PPEF1: variants seen among roughly 807,000 people sequenced by gnomAD.
PPEF1 encodes the protein serine/threonine-protein phosphatase with EF-hands 1.
A neutral mutation model predicts 53.3 loss-of-function variants in PPEF1; 12 were observed. The observed-to-expected ratio is 0.23, with a 90% CI of 0.14 to 0.36. The LOEUF is 0.36. PPEF1 is among the 10% of genes least tolerant of loss of function. PPEF1 has a pLI of 1.00. For missense variants in PPEF1, 334 were observed against 490.4 expected (o/e 0.68, Z 3.01); for synonymous variants, 165 against 176.7 (o/e 0.93, Z 0.52).
upstream of PPEF1, among the ~76,000 whole-genome samples, chrX:18,706,277 A>G (rs1019906062): frequency 9.2e-6 from 1 of 108,547 alleles, no homozygotes; most frequent in Non-Finnish European, 1.9e-5. Flanking sequence ...TTGGAGCATC[A>G]CAAAATAAAG....
chrX:18,821,888 G>T (rs67720708), intron 13 of PPEF1, among the ~76,000 whole-genome samples: 1 of 110,645 alleles, frequency 9.0e-6, no homozygotes, highest in Non-Finnish European at 1.9e-5. Flanking sequence ...ACTTGGAAGG[G>T]ACCCCCTACT....
rs1261106361 is a variant in PPEF1, at chrX:18,793,698, A to AC, written c.1065+4431dup. Among the ~76,000 whole-genome samples, 4 of 26,944 alleles carry AC rather than the reference A, an allele frequency of 1.5e-4. No homozygotes were observed. In the East Asian group the frequency reaches 6.5e-3, roughly 44 times the overall value. The allele number at this position is 26,944 out of a possible 115,157, so 23.4% of individuals were successfully genotyped here. A position where few individuals can be genotyped will look rare whatever the true frequency, so the allele number is the denominator to read the frequency against. Reference sequence around the variant, plus strand: ...CCTGCTTCCCCCCTCCGCTCCCCCCACCCCCCGCCCGTGTATGAGTCATAC... The same window carrying AC: ...CCTGCTTCCCCCCTCCGCTCCCCCCACCCCCCCGCCCGTGTATGAGTCATAC... On this transcript the variant is annotated intron_variant, in intron 10 of 15. Transcript: ENST00000470157.
chrX:18,789,606 C>A (rs2046289102), intron 10 of PPEF1, among the ~76,000 whole-genome samples: 1 of 112,039 alleles, frequency 8.9e-6, no homozygotes, highest in Non-Finnish European at 1.9e-5. Flanking sequence ...CCACCCTGTG[C>A]CACCTAACAG....
intron 6 of PPEF1, among the ~76,000 whole-genome samples, chrX:18,764,691 G>A (rs140809847): frequency 2.2e-4 from 25 of 111,633 alleles, no homozygotes; most frequent in African/African-American, 7.5e-4. Context: ...ATTACAATGT[G>A]AGGAAGGAGG....
At chrX:18,782,450 T>C (rs1206534009) in intron 8 of PPEF1, 48 bp downstream of exon 8, 1 of 1,017,091 alleles carries the variant, frequency 9.8e-7, no homozygotes, top group Admixed American at 3.0e-5. Context: ...TTGCTGTTTC[T>C]ATAGAGAAAT....
At chrX:18,711,078 ATGTG>A (rs201594258) in intron 1 of PPEF1, among the ~76,000 whole-genome samples, 7 of 100,634 alleles carry the variant, frequency 7.0e-5, no homozygotes, top group African/African-American at 2.6e-4. Context: ...ATGTATATAT[ATGTG>A]TGTGTGTGTG....
At chrX:18,795,242 G>A (rs1441747685) in intron 10 of PPEF1, among the ~76,000 whole-genome samples, 6 of 111,974 alleles carry the variant, frequency 5.4e-5, no homozygotes, top group East Asian at 2.8e-4. Flanking sequence ...CCTGGGAGGC[G>A]GAGGCTGCAG....
chrX:18,680,089 CA>C (rs756924550), upstream of PPEF1, among the ~76,000 whole-genome samples: 3,468 of 52,914 alleles, frequency 0.066, 64 homozygotes, highest in Non-Finnish European at 0.084. Flanking sequence ...ACCCTGTCCT[CA>C]AAAAAAAAAA....
chrX:18,690,472 G>C (rs892971385), intron 3 of PPEF1, among the ~76,000 whole-genome samples: 2 of 107,934 alleles, frequency 1.9e-5, no homozygotes, highest in African/African-American at 6.8e-5. Context: ...CACCTCCCGA[G>C]TTCAAGTGAT....
At chrX:18,710,458 A>C (rs908719595) in intron 1 of PPEF1, among the ~76,000 whole-genome samples, 1 of 111,667 alleles carries the variant, frequency 9.0e-6, no homozygotes, top group Non-Finnish European at 1.9e-5. Flanking sequence ...TTACTTTAAG[A>C]GTTTTGTAAC....
At chrX:18,810,076 CTGTGTGTGTGTG>C (rs199559695) in intron 12 of PPEF1, among the ~76,000 whole-genome samples, 18 of 99,487 alleles carry the variant, frequency 1.8e-4, no homozygotes, top group South Asian at 4.9e-4. Flanking sequence ...AAAAAATCCT[CTGTGTGTGTGTG>C]TGTGTGTGTG....
At chrX:18,809,513 T>G (rs1267492785) in intron 12 of PPEF1, among the ~76,000 whole-genome samples, 1 of 110,310 alleles carries the variant, frequency 9.1e-6, no homozygotes, top group Non-Finnish European at 1.9e-5. Context: ...CGTGACTAGC[T>G]GGGCAACATG....
intron 3 of PPEF1, among the ~76,000 whole-genome samples, chrX:18,690,734 A>G (rs190294353): frequency 8.9e-6 from 1 of 112,552 alleles, no homozygotes; most frequent in African/African-American, 3.2e-5. Context: ...TACCATGTTC[A>G]TGAACACAAA....
In PPEF1 at chrX:18,757,608, C is replaced by T. The variant is rs1328281291; in HGVS notation, c.397-19C>T. 1 of 1,120,009 alleles carries T rather than the reference C, an allele frequency of 8.9e-7. No individual in the cohort carries two copies. The highest frequency in any genetic ancestry group is 1.8e-5 in the African/African-American group (1 of 55,503). 92.3% of individuals were successfully genotyped at this position (1,120,009 alleles called of 1,213,427 possible). On this transcript the variant is annotated intron_variant, in intron 4 of 15. Transcript: ENST00000470157. ...CTTCCTTGTTCATTACATCTATTTCCTCTGCTTCCCGCTCACAGATACTTC... is the reference window on the plus strand; with the variant it reads ...CTTCCTTGTTCATTACATCTATTTCTTCTGCTTCCCGCTCACAGATACTTC...
At chrX:18,819,087 C>G (rs1426899521) in intron 13 of PPEF1, among the ~76,000 whole-genome samples, 1 of 111,504 alleles carries the variant, frequency 9.0e-6, no homozygotes, top group Non-Finnish European at 1.9e-5. Context: ...ATTTTGGCCA[C>G]TCACGTATCC....
upstream of PPEF1, among the ~76,000 whole-genome samples, chrX:18,675,436 C>G (rs1256816924): frequency 8.8e-5 from 10 of 113,612 alleles, no homozygotes; most frequent in Non-Finnish European, 1.3e-4. Flanking sequence ...GCTTCGCCTC[C>G]GGAGCAAGGA....
intron 1 of PPEF1, among the ~76,000 whole-genome samples, chrX:18,729,184 ACT>A (rs1381770166): frequency 3.0e-4 from 33 of 111,064 alleles, no homozygotes; most frequent in Non-Finnish European, 5.9e-4. Context: ...CCTCATAGAA[ACT>A]CTGTGAGGGA....
chrX:18,816,229 TCTC>T (rs764211448), intron 12 of PPEF1, among the ~76,000 whole-genome samples: 6 of 112,076 alleles, frequency 5.4e-5, no homozygotes, highest in Non-Finnish European at 9.4e-5. Context: ...TTTTCTGACT[TCTC>T]CTGTGATTTC....
intron 4 of PPEF1, among the ~76,000 whole-genome samples, chrX:18,755,493 G>A (rs1175504268): frequency 8.9e-6 from 1 of 112,262 alleles, no homozygotes; most frequent in Non-Finnish European, 1.9e-5. Flanking sequence ...CTTGAACCCA[G>A]GAGGCAGAGG....
Sources: gnomAD v4.1 joint callset for allele counts (sites outside exome capture counted in the v4.1 genomes callset) on GRCh38, gnomAD v4.1.1 for gene constraint, MANE v1.5 for transcripts, NCBI Gene and HGNC (gene_info 2026-07-23, HGNC 2026-07-21) for gene names.